Variants in BPTF observed in about 807,000 individuals in gnomAD.
BPTF encodes nucleosome-remodeling factor subunit BPTF.
BPTF carries 18 observed loss-of-function variants against 292.5 expected under a neutral mutation model. The observed-to-expected ratio is 0.06, with a 90% CI of 0.04 to 0.09. The LOEUF (loss-of-function observed/expected upper bound fraction) is 0.09, where lower values mean the gene tolerates loss of function less well. Ranked by LOEUF, BPTF falls within the 10% of genes least tolerant of loss-of-function variation. The pLI, the probability that BPTF is intolerant of heterozygous loss-of-function variation, is 1.00. For synonymous variants in BPTF, 1,225 were observed against 1,251.9 expected, an observed-to-expected ratio of 0.98 and a Z score of 0.45; for missense variants, 2,726 against 3,498.7, an observed-to-expected ratio of 0.78 and a Z score of 5.57.
At chr17:67,914,062 G>T (rs2062826658) in intron 11 of BPTF, among the ~76,000 whole-genome samples, 1 of 152,164 alleles carries the variant, frequency 6.6e-6, no homozygotes, top group African/African-American at 2.4e-5. Flanking sequence ...AAACATGAGA[G>T]TTCTGGGAAC....
At chr17:67,915,112 A>G (rs1232425855) in intron 11 of BPTF, among the ~76,000 whole-genome samples, 1 of 152,170 alleles carries the variant, frequency 6.6e-6, no homozygotes, top group Admixed American at 6.5e-5. Context: ...AATGCCAAAG[A>G]TGCATGTATG....
Position 67,983,240 on chromosome 17 carries a change from GTC to G in BPTF, c.*954_*955del. On this transcript the variant is annotated 3_prime_UTR_variant, in exon 28 of 28. Coordinates refer to ENST00000306378, the MANE Select transcript of BPTF (RefSeq NM_182641.4). Reference sequence around the variant, plus strand: ...CTGCAAGGTCATGAAAGGCAGAAGAGTCTAATTGTGCCTGGATTTCTCCAGGA... The same window carrying G: ...CTGCAAGGTCATGAAAGGCAGAAGAGTAATTGTGCCTGGATTTCTCCAGGA... The G allele has an allele frequency of 6.5e-6, 1 of 152,754 alleles. No individual in the cohort carries two copies. The highest frequency in any genetic ancestry group is 1.5e-5 in the Non-Finnish European group (1 of 68,030). 9.5% of individuals were successfully genotyped at this position (152,754 alleles called of 1,614,324 possible). A position where few individuals can be genotyped will look rare whatever the true frequency, so the allele number is the denominator to read the frequency against.
intron 18 of BPTF, among the ~76,000 whole-genome samples, chr17:67,937,763 G>A (rs1350063791): frequency 6.6e-6 from 1 of 152,130 alleles, no homozygotes; most frequent in Non-Finnish European, 1.5e-5. Context: ...TGTGTCTTCA[G>A]GTGTGCACAG....
chr17:67,874,192 C>G (rs781622130), intron 3 of BPTF, among the ~76,000 whole-genome samples: 1 of 152,204 alleles, frequency 6.6e-6, no homozygotes, highest in Non-Finnish European at 1.5e-5. Flanking sequence ...ACACTGTGGT[C>G]CTTCTGTATC....
intron 7 of BPTF, among the ~76,000 whole-genome samples, chr17:67,894,749 C>T (rs2061335436): frequency 6.6e-6 from 1 of 152,112 alleles, no homozygotes; most frequent in Non-Finnish European, 1.5e-5. Flanking sequence ...AGAGCACTCA[C>T]ATTTTTTAGT....
chr17:67,931,609 T>A (rs529592960), intron 17 of BPTF, among the ~76,000 whole-genome samples: 4 of 152,368 alleles, frequency 2.6e-5, no homozygotes, highest in South Asian at 2.1e-4. Flanking sequence ...CACATTTTCC[T>A]GTGAGCACTA....
At chr17:67,974,210 G>C (rs782554659) in intron 26 of BPTF, 1 of 151,998 alleles carries the variant, frequency 6.6e-6, no homozygotes, top group African/African-American at 2.4e-5. Flanking sequence ...TTTCAAACAC[G>C]TCGTTCTCCT....
intron 3 of BPTF, 26 bp from the exon 4 acceptor site, chr17:67,874,791 T>G: frequency 4.6e-6 from 7 of 1,513,508 alleles, no homozygotes; most frequent in Non-Finnish European, 6.3e-6. Flanking sequence ...TAGGAATAAT[T>G]TTTTTGTTTG....
intron 2 of BPTF, among the ~76,000 whole-genome samples, chr17:67,862,352 A>G (rs2059135556): frequency 6.6e-6 from 1 of 152,230 alleles, no homozygotes; most frequent in Admixed American, 6.5e-5. Flanking sequence ...TATGATACCC[A>G]TGAAGTGCTG....
At chr17:67,915,899 T>G (rs952634969) in intron 11 of BPTF, among the ~76,000 whole-genome samples, 1 of 152,228 alleles carries the variant, frequency 6.6e-6, no homozygotes, top group Admixed American at 6.5e-5. Context: ...ATGAGCAGAC[T>G]TACCGTGCAT....
At chr17:67,904,639 C>A in intron 8 of BPTF, 63 bp from the exon 9 acceptor site, 1 of 1,249,846 alleles carries the variant, frequency 8.0e-7, no homozygotes, top group Non-Finnish European at 1.1e-6. Flanking sequence ...TGCATAAAAC[C>A]ACATGTGGTT....
intron 27 of BPTF, 199 bp from the exon 28 acceptor site, chr17:67,982,053 T>C (rs542401762): frequency 3.3e-4 from 128 of 386,382 alleles, no homozygotes; most frequent in Non-Finnish European, 6.0e-4. Flanking sequence ...CAGTGAGCTA[T>C]TATGTTTAGT....
At chr17:67,926,138 A>G (rs2147350869) in intron 15 of BPTF, among the ~76,000 whole-genome samples, 1 of 148,910 alleles carries the variant, frequency 6.7e-6, no homozygotes, top group African/African-American at 2.5e-5. Context: ...TTCCCAAGTA[A>G]CTGGGACTAC....
chr17:67,864,770 A>G (rs2059296652), intron 2 of BPTF, among the ~76,000 whole-genome samples: 1 of 151,990 alleles, frequency 6.6e-6, no homozygotes, highest in African/African-American at 2.4e-5. Flanking sequence ...GAATATTTGC[A>G]TTATACTTAC....
chr17:67,903,305 A>G (rs1223731269), intron 7 of BPTF, among the ~76,000 whole-genome samples: 1 of 152,270 alleles, frequency 6.6e-6, no homozygotes, highest in East Asian at 1.9e-4. Context: ...CTCTGGAAAC[A>G]AAGTATTCTT....
At chr17:67,894,596 G>A (rs1475046541) in intron 7 of BPTF, among the ~76,000 whole-genome samples, 1 of 152,076 alleles carries the variant, frequency 6.6e-6, no homozygotes, top group Non-Finnish European at 1.5e-5. Flanking sequence ...CCAAAGTGCC[G>A]GGATTACAGG....
intron 9 of BPTF, 114 bp from the exon 10 acceptor site, chr17:67,909,468 A>C (rs868397420): frequency 4.1e-6 from 3 of 729,342 alleles, no homozygotes; most frequent in Middle Eastern, 8.7e-4. Context: ...TTTTTAAATG[A>C]AAAAATGAAA....
Position 67,909,582 on chromosome 17 carries a change from C to G in BPTF, c.2813C>G (p.Thr938Ser), listed in dbSNP as rs1413928542. ...NVNYRKSLEG[T>S]KNNMDENMDE... is the part of the protein sequence containing the mutation. ...ATTATCGTTACATGGTTCTTTTTAG[C>G]CAAAAATAATATGGATGAAAATATG... Residue 938 changes from threonine (T) to serine (S), a missense_variant and splice_region_variant, in exon 10 of 28, where the codon ACC becomes AGC. By Grantham distance (58) the Thr-to-Ser change is moderately conservative (BLOSUM62 1). Coordinates refer to ENST00000306378, the MANE Select transcript of BPTF (RefSeq NM_182641.4). 1 of 1,521,358 alleles carries G rather than the reference C, an allele frequency of 6.6e-7. No individual in the cohort carries two copies. The highest frequency in any genetic ancestry group is 8.8e-7 in the Non-Finnish European group (1 of 1,135,318). 94.2% of individuals were successfully genotyped at this position (1,521,358 alleles called of 1,614,324 possible).
chr17:67,906,474 A>T (rs1163304776), intron 9 of BPTF, among the ~76,000 whole-genome samples: 3 of 152,286 alleles, frequency 2.0e-5, no homozygotes, highest in East Asian at 3.9e-4. Flanking sequence ...CTTTTAAAAG[A>T]TCATGTGTTT....
Sources: allele counts gnomAD v4.1 joint callset (sites outside exome capture counted in the v4.1 genomes callset), GRCh38; gene constraint gnomAD v4.1.1; transcripts MANE v1.5; gene names NCBI Gene and HGNC (gene_info 2026-07-23, HGNC 2026-07-21).